The following PCDHGA2 variants were observed in gnomAD, a reference collection of about 807,000 sequenced individuals.
PCDHGA2 encodes the protein protocadherin gamma-A2.
Under a neutral mutation model 59.2 loss-of-function variants are expected in PCDHGA2, and 40 were observed. That is an observed-to-expected ratio of 0.68 (90% confidence interval 0.52 to 0.88). The LOEUF (loss-of-function observed/expected upper bound fraction) is 0.88. Among genes scored for constraint, PCDHGA2 ranks in the 40% least tolerant of loss-of-function variants. PCDHGA2 has a pLI of 0.00. For missense variants in PCDHGA2, 1,226 were observed against 1,204.0 expected, an observed-to-expected ratio of 1.02 and a Z score of -0.27; for synonymous variants, 560 against 526.0, an observed-to-expected ratio of 1.06 and a Z score of -0.89.
intron 1 of PCDHGA2, chr5:141,398,850 A>T (rs2093714845): frequency 6.2e-7 from 1 of 1,613,864 alleles, no homozygotes; most frequent in East Asian, 2.2e-5. Context: ...ATCCCCCGGT[A>T]TTCAACCGAG....
rs1254986724 is a variant in PCDHGA2, at chr5:141,490,928, C to G, written c.2425-3879C>G. ...CTAGACGAGAATGATAATGCCCCAGCTGTGCTGCACCCACGGCCAGACTGG... is the reference window on the plus strand; with the variant it reads ...CTAGACGAGAATGATAATGCCCCAGGTGTGCTGCACCCACGGCCAGACTGG... On this transcript the variant is annotated intron_variant, in intron 1 of 3. Transcript: ENST00000394576. The surrounding 1 kb of genome is among the most constrained non-coding windows in gnomAD (Gnocchi z 5.4). 2 of 1,613,466 alleles carry G rather than the reference C, an allele frequency of 1.2e-6. No homozygotes were observed. Among genetic ancestry groups the G allele is most frequent in the Non-Finnish European group, 1.7e-6 (2 of 1,179,624 alleles).
intron 2 of PCDHGA2, among the ~76,000 whole-genome samples, chr5:141,496,334 G>T (rs959266723): frequency 2.6e-5 from 4 of 152,240 alleles, no homozygotes; most frequent in Admixed American, 6.5e-5. Context: ...GAAGTCAGGA[G>T]CCTGGAGGAG....
rs1369853840 is a variant in PCDHGA2, at chr5:141,339,662, A to G, written c.691A>G (p.Lys231Glu). ...ATCTGGCACCTCCCGCATCTGCGTG[A>G]AGGTCCTGGATGCGAACGACAATGC... Reference protein sequence around the residue: ...VLSGTSRICVKVLDANDNAPV... With the variant: ...VLSGTSRICVEVLDANDNAPV... Residue 231 changes from lysine (K) to glutamate (E), a missense_variant, in exon 1 of 4, where the codon AAG becomes GAG. Coordinates refer to ENST00000394576, the MANE Select transcript of PCDHGA2 (RefSeq NM_018915.4). The G allele has an allele frequency of 2.5e-6, 4 of 1,614,130 alleles. No individual in the cohort carries two copies. In the South Asian group the frequency reaches 4.4e-5, roughly 18 times the overall value.
rs759084093 is a variant in PCDHGA2 at position 141,340,199 on chromosome 5, C to T, written c.1228C>T (p.Leu410Phe). 6.2e-7 allele frequency: 1 copy of T among 1,614,174 alleles called. No individual in the cohort carries two copies. The highest frequency in any genetic ancestry group is 8.5e-7 in the Non-Finnish European group (1 of 1,180,020). ...NYYRLVTTRA[L>F]DREQFSFYNI... ...CTACCGACTGGTTACAACCAGAGCC[C>T]TTGACAGGGAACAGTTTTCCTTTTA... is the stretch of plus-strand genomic sequence containing the variant. Residue 410 changes from leucine (L) to phenylalanine (F), a missense_variant, in exon 1 of 4, where the codon CTT becomes TTT. Transcript: ENST00000394576.
At chr5:141,473,369 G>T (rs888984972) in intron 1 of PCDHGA2, among the ~76,000 whole-genome samples, 1 of 152,200 alleles carries the variant, frequency 6.6e-6, no homozygotes, top group Non-Finnish European at 1.5e-5. Flanking sequence ...CACCAAAATA[G>T]CATGGTCCCT....
rs1471215172 is a variant in PCDHGA2 at position 141,511,840 on chromosome 5, TCTG to T, written c.*668_*670del. 1 of 156,722 alleles carries T rather than the reference TCTG, an allele frequency of 6.4e-6. No homozygotes were observed. Among genetic ancestry groups the T allele is most frequent in the African/African-American group, 2.4e-5 (1 of 41,448 alleles). The allele number at this position is 156,722 out of a possible 1,614,324, so 9.7% of individuals were successfully genotyped here. A position where few individuals can be genotyped will look rare whatever the true frequency, so the allele number is the denominator to read the frequency against. On this transcript the variant is annotated 3_prime_UTR_variant, in exon 4 of 4. Coordinates refer to ENST00000394576, the MANE Select transcript of PCDHGA2 (RefSeq NM_018915.4). ...TTCCCAACGCCCTGGGGACCAGTCTTCTGTTTTGTTTTTCATTGTTTGACGTTT... is the reference window on the plus strand; with the variant it reads ...TTCCCAACGCCCTGGGGACCAGTCTTTTTTGTTTTTCATTGTTTGACGTTT...
At chr5:141,362,712 C>G (rs1588580103) in intron 1 of PCDHGA2, 1 of 928,800 alleles carries the variant, frequency 1.1e-6, no homozygotes, top group African/African-American at 1.7e-5. Context: ...TAAGTGTTTT[C>G]TCTCTGAAGT....
rs769607720 is a variant in PCDHGA2 at position 141,489,346 on chromosome 5, G to A, written c.2425-5461G>A. 4 of 1,611,652 alleles carry A rather than the reference G, an allele frequency of 2.5e-6. No individual in the cohort carries two copies. The highest frequency in any genetic ancestry group is 3.4e-6 in the Non-Finnish European group (4 of 1,178,446). On this transcript the variant is annotated intron_variant, in intron 1 of 3. Transcript: ENST00000394576. The surrounding 1 kb of genome is among the most constrained non-coding windows in gnomAD (Gnocchi z 4.5). Reference sequence around the variant, plus strand: ...GTCTGGGCAGCTTCGTTACTCAGTGGTGGAGGAGTCTGAGCCGGGGACGCT... The same window carrying A: ...GTCTGGGCAGCTTCGTTACTCAGTGATGGAGGAGTCTGAGCCGGGGACGCT...
chr5:141,410,269 G>A, intron 1 of PCDHGA2: 1 of 1,614,060 alleles, frequency 6.2e-7, no homozygotes, highest in Non-Finnish European at 8.5e-7. Flanking sequence ...CTGAACTGCA[G>A]TTTTACCTGG....
chr5:141,385,110 C>G (rs1315178545), intron 1 of PCDHGA2: 2 of 1,614,194 alleles, frequency 1.2e-6, no homozygotes, highest in South Asian at 2.2e-5. Flanking sequence ...ACGTGCCCAC[C>G]TCGCACTTTG....
intron 1 of PCDHGA2, chr5:141,343,908 T>C: frequency 1.1e-6 from 1 of 877,684 alleles, no homozygotes; most frequent in Non-Finnish European, 1.7e-6. Flanking sequence ...CCTCACCTCT[T>C]AGTCAACCAG....
rs2094474207 is a variant in PCDHGA2 at position 141,403,989 on chromosome 5, A to C, written c.2424+62594A>C. On this transcript the variant is annotated intron_variant, in intron 1 of 3. Coordinates refer to ENST00000394576, the MANE Select transcript of PCDHGA2 (RefSeq NM_018915.4). ...GAAGATGTAAATGACAATAGACCTG[A>C]AGTGACCATTACATCTCTGTTTAGC... The C allele has an allele frequency of 1.2e-6, 2 of 1,613,868 alleles. No homozygotes were observed. Among genetic ancestry groups the C allele is most frequent in the Middle Eastern group, 1.6e-4 (1 of 6,062 alleles).
intron 1 of PCDHGA2, among the ~76,000 whole-genome samples, chr5:141,425,386 G>C (rs2096871887): frequency 6.6e-6 from 1 of 152,224 alleles, no homozygotes; most frequent in South Asian, 2.1e-4. Context: ...TTCGGAGGTA[G>C]TGATAAAGTT....
At chr5:141,478,936 G>A in intron 1 of PCDHGA2, 1 of 633,220 alleles carries the variant, frequency 1.6e-6, no homozygotes, top group African/African-American at 1.9e-5. Context: ...GCAGCTTCTA[G>A]GAATACAAAA....
intron 1 of PCDHGA2, among the ~76,000 whole-genome samples, chr5:141,381,695 T>C (rs1479367517): frequency 6.6e-6 from 1 of 152,164 alleles, no homozygotes; most frequent in Non-Finnish European, 1.5e-5. Flanking sequence ...CAAACAACGA[T>C]TTCTTTCTTT....
At chr5:141,351,751 G>T in intron 1 of PCDHGA2, 2 of 1,613,642 alleles carry the variant, frequency 1.2e-6, no homozygotes, top group Non-Finnish European at 1.7e-6. Context: ...CGCGGGAGCT[G>T]TTGTCCTACG....
In PCDHGA2 at chr5:141,511,067, C is replaced by T. The variant is rs760786015; in HGVS notation, c.2693C>T (p.Pro898Leu). The change falls in exon 4 of 4, where the codon CCA (proline) becomes CTA (leucine). Residue 898 changes from proline (P) to leucine (L), a missense_variant. Pro to Leu is a moderately conservative substitution (Grantham distance 98). Coordinates refer to ENST00000394576, the MANE Select transcript of PCDHGA2 (RefSeq NM_018915.4). ...VPDYRQNVYI[P>L]GSNATLTNAA... ...GACTACCGCCAGAATGTCTACATCC[C>T]AGGCAGCAATGCCACACTGACCAAC... 7.4e-6 allele frequency: 12 copies of T among 1,614,136 alleles called. No homozygotes were observed. Among genetic ancestry groups the T allele is most frequent in the African/African-American group, 1.3e-5 (1 of 74,942 alleles).
rs2095943632 is a variant in PCDHGA2 at position 141,415,767 on chromosome 5, TTTTTTACTTTC to T, written c.2424+74374_2424+74384del. ...TTTTTTTTTTTTTTTTTTTTTTTTT[TTTTTTACTTTC>T]TGGTAAAATTCACCTAGTCTCAATC... is the stretch of plus-strand genomic sequence containing the variant. On this transcript the variant is annotated intron_variant, in intron 1 of 3. Transcript: ENST00000394576. 3.1e-6 allele frequency: 4 copies of T among 1,300,754 alleles called. No individual in the cohort carries two copies. The Admixed American group carries it at 1.4e-4, about 46-fold the overall frequency. The allele number at this position is 1,300,754 out of a possible 1,614,324, so 80.6% of individuals were successfully genotyped here.
At chr5:141,507,807 A>AACGG (rs1465406594) in intron 3 of PCDHGA2, among the ~76,000 whole-genome samples, 2 of 152,152 alleles carry the variant, frequency 1.3e-5, no homozygotes, top group East Asian at 3.9e-4. Flanking sequence ...CGCCCTGGGG[A>AACGG]ACGGACCCTG....
Sources: gnomAD v4.1 joint callset for allele counts (sites outside exome capture counted in the v4.1 genomes callset) on GRCh38, gnomAD v4.1.1 for gene constraint, Gnocchi (gnomAD v3.1) non-coding constraint, MANE v1.5 for transcripts, NCBI Gene and HGNC (gene_info 2026-07-23, HGNC 2026-07-21) for gene names.